Variants in STARD13 observed in about 807,000 individuals in gnomAD.
STARD13 encodes the protein stAR-related lipid transfer protein 13.
A neutral mutation model predicts 106.4 loss-of-function variants in STARD13; 62 were observed. The ratio of observed to expected loss-of-function variants is 0.58; its 90% CI spans 0.48 to 0.72. STARD13 has a LOEUF of 0.72. Ranked by LOEUF, STARD13 falls within the 30% of genes least tolerant of loss-of-function variation. The pLI, the probability that STARD13 is intolerant of heterozygous loss-of-function variation, is 0.00. For missense variants in STARD13, 1,387 were observed against 1,424.0 expected, an observed-to-expected ratio of 0.97 and a Z score of 0.42; for synonymous variants, 565 against 553.0, an observed-to-expected ratio of 1.02 and a Z score of -0.31.
the STARD13 span, among the ~76,000 whole-genome samples, chr13:33,371,801 C>T: frequency 1.3e-5 from 2 of 152,192 alleles, no homozygotes; most frequent in Non-Finnish European, 2.9e-5. Context: ...ATGAACTCCT[C>T]ATTTTTCAAT....
the STARD13 span, among the ~76,000 whole-genome samples, chr13:33,387,618 G>A: frequency 6.6e-6 from 1 of 152,184 alleles, no homozygotes; most frequent in Non-Finnish European, 1.5e-5. Flanking sequence ...GAGAGTGAAC[G>A]AGATATAAGG....
chr13:33,458,003 G>A, the STARD13 span, among the ~76,000 whole-genome samples: 1 of 152,154 alleles, frequency 6.6e-6, no homozygotes. Flanking sequence ...TACAAGAACA[G>A]GTGGTGAGCA....
At chr13:33,140,420 C>T (rs1025283859) in intron 4 of STARD13, among the ~76,000 whole-genome samples, 1 of 152,212 alleles carries the variant, frequency 6.6e-6, no homozygotes, top group African/African-American at 2.4e-5. Context: ...GTGTATGCTT[C>T]TCAAGGGGTC....
chr13:33,232,439 A>G (rs1888971322), intron 1 of STARD13, among the ~76,000 whole-genome samples: 1 of 151,954 alleles, frequency 6.6e-6, no homozygotes, highest in African/African-American at 2.4e-5. Flanking sequence ...GGATTTGTTG[A>G]CTCACAAGTG....
Position 33,130,211 on chromosome 13 carries a change from C to A in STARD13, c.466G>T (p.Val156Leu). ...GGGAGCAGCGTGTAGAGGTCGTCCA[C>A]ACGAGACCACCTGCGACTGGTTCTT... The part of the protein sequence containing the change: ...FQRTSRRWSR[V>L]DDLYTLLPRG... The change falls in exon 5 of 14, where the codon GTG becomes TTG. Residue 156 changes from valine (V) to leucine (L), a missense_variant. Val to Leu is a conservative substitution (Grantham distance 32). Transcript: ENST00000336934. This position sits in a 1 kb window ranked among gnomAD's most constrained non-coding sequence, Gnocchi z 4.1. The A allele has an allele frequency of 3.1e-6, 5 of 1,611,956 alleles. No homozygotes were observed. The highest frequency in any genetic ancestry group is 3.4e-6 in the Non-Finnish European group (4 of 1,179,942).
chr13:33,479,844 T>C, the STARD13 span, among the ~76,000 whole-genome samples: 3 of 152,168 alleles, frequency 2.0e-5, no homozygotes, highest in African/African-American at 7.2e-5. Flanking sequence ...GCACTCGCTA[T>C]GTGAGATGCC....
At chr13:33,495,621 T>C in the STARD13 span, among the ~76,000 whole-genome samples, 6 of 151,988 alleles carry the variant, frequency 3.9e-5, no homozygotes, top group African/African-American at 1.4e-4. Context: ...GCCATGTATA[T>C]ATTTTCTTTG....
chr13:33,589,634 T>G, the STARD13 span, among the ~76,000 whole-genome samples: 1 of 152,258 alleles, frequency 6.6e-6, no homozygotes, highest in South Asian at 2.1e-4. Context: ...AATCCTGAGT[T>G]CTAGTTTGAT....
At chr13:33,290,959 C>A (rs570965465) in intron 1 of STARD13, among the ~76,000 whole-genome samples, 1 of 152,286 alleles carries the variant, frequency 6.6e-6, no homozygotes, top group South Asian at 2.1e-4. Flanking sequence ...CATATTAATA[C>A]CTGTAAACCA....
At chr13:33,592,256 A>C in the STARD13 span, among the ~76,000 whole-genome samples, 1 of 152,218 alleles carries the variant, frequency 6.6e-6, no homozygotes, top group Non-Finnish European at 1.5e-5. Flanking sequence ...ATGCGTATGA[A>C]TCAAATCCCC....
the STARD13 span, among the ~76,000 whole-genome samples, chr13:33,516,356 T>A: frequency 6.6e-6 from 1 of 151,480 alleles, no homozygotes; most frequent in African/African-American, 2.4e-5. Flanking sequence ...TTTTCTTACT[T>A]ACCTTAAGAA....
the STARD13 span, among the ~76,000 whole-genome samples, chr13:33,407,531 A>C: frequency 6.6e-6 from 1 of 152,230 alleles, no homozygotes; most frequent in African/African-American, 2.4e-5. Context: ...AAACAGCTTA[A>C]TTAATCATAA....
chr13:33,346,639 A>T (rs1043389760), downstream of STARD13, among the ~76,000 whole-genome samples: 37 of 151,340 alleles, frequency 2.4e-4, no homozygotes, highest in African/African-American at 8.5e-4. Context: ...TTTATTTTTT[A>T]TTTTTTTTGA....
intron 3 of STARD13, among the ~76,000 whole-genome samples, chr13:33,159,094 C>G (rs1331307209): frequency 6.6e-6 from 1 of 152,136 alleles, no homozygotes; most frequent in Non-Finnish European, 1.5e-5. Flanking sequence ...TTATACAAGC[C>G]GGGCCCTTAT....
chr13:33,359,105 A>G, the STARD13 span, among the ~76,000 whole-genome samples: 1 of 152,320 alleles, frequency 6.6e-6, no homozygotes, highest in African/African-American at 2.4e-5. Flanking sequence ...CCCAGCCAGC[A>G]TTGGCAACCC....
chr13:33,518,666 C>A, the STARD13 span, among the ~76,000 whole-genome samples: 1 of 152,042 alleles, frequency 6.6e-6, no homozygotes, highest in African/African-American at 2.4e-5. Context: ...TGAGTAGAGG[C>A]AAGTGGCACA....
At chr13:33,380,045 A>C in the STARD13 span, among the ~76,000 whole-genome samples, 1 of 152,206 alleles carries the variant, frequency 6.6e-6, no homozygotes, top group East Asian at 1.9e-4. Context: ...GACAGAGAAG[A>C]GTTACTTATC....
intron 1 of STARD13, among the ~76,000 whole-genome samples, chr13:33,178,771 T>C (rs1360905433): frequency 6.6e-6 from 1 of 152,240 alleles, no homozygotes; most frequent in Non-Finnish European, 1.5e-5. Flanking sequence ...TTTTACTTTA[T>C]GTAATAACTT....
intron 13 of STARD13, 46 bp downstream of exon 13, chr13:33,106,712 G>A (rs1873760113): frequency 2.0e-6 from 3 of 1,535,214 alleles, no homozygotes; most frequent in Non-Finnish European, 2.7e-6. Flanking sequence ...TGTACAAGCT[G>A]AGACTCCCAA....
Sources: allele counts gnomAD v4.1 joint callset (sites outside exome capture counted in the v4.1 genomes callset), GRCh38; gene constraint gnomAD v4.1.1; non-coding constraint Gnocchi (gnomAD v3.1); transcripts MANE v1.5; gene names NCBI Gene and HGNC (gene_info 2026-07-23, HGNC 2026-07-21).